Variants in DPP10 observed in about 807,000 individuals in gnomAD.
DPP10 encodes the protein dipeptidyl peptidase like 10.
DPP10 carries 33 observed loss-of-function variants against 120.9 expected under a neutral mutation model. That is an observed-to-expected ratio of 0.27 (90% CI 0.21 to 0.37). The LOEUF is 0.37. Among genes scored for constraint, DPP10 ranks in the 10% least tolerant of loss-of-function variants. The pLI is 1.00. For synonymous variants in DPP10, 337 were observed against 326.1 expected (o/e 1.03, Z -0.36); for missense variants, 816 against 942.8 (o/e 0.87, Z 1.76).
At chr2:115,458,178 A>G (rs536482700) in intron 3 of DPP10, among the ~76,000 whole-genome samples, 1 of 152,234 alleles carries the variant, frequency 6.6e-6, no homozygotes, top group Admixed American at 6.5e-5. Context: ...AGATATGAAC[A>G]TTACACCCCC....
chr2:115,587,247 G>C (rs974223477), intron 5 of DPP10, among the ~76,000 whole-genome samples: 1 of 151,748 alleles, frequency 6.6e-6, no homozygotes, highest in Non-Finnish European at 1.5e-5. Context: ...ACAGGCTCCC[G>C]CGACCACGCC....
chr2:114,964,073 A>G (rs1290516734), intron 1 of DPP10, among the ~76,000 whole-genome samples: 1 of 152,182 alleles, frequency 6.6e-6, no homozygotes, highest in Non-Finnish European at 1.5e-5. Flanking sequence ...CTCGATTTCC[A>G]TTGCCTTCAA....
intron 1 of DPP10, among the ~76,000 whole-genome samples, chr2:115,224,867 T>C (rs2105443579): frequency 6.6e-6 from 1 of 152,306 alleles, no homozygotes; most frequent in East Asian, 1.9e-4. Context: ...TTAAGAATGA[T>C]CACACTAAGA....
chr2:115,035,652 C>T (rs1704178264), intron 1 of DPP10, among the ~76,000 whole-genome samples: 1 of 152,200 alleles, frequency 6.6e-6, no homozygotes, highest in Non-Finnish European at 1.5e-5. Context: ...TCATTCCTCA[C>T]ATCCTTTACA....
chr2:114,992,120 CT>C (rs1440282183), intron 1 of DPP10, among the ~76,000 whole-genome samples: 1 of 152,190 alleles, frequency 6.6e-6, no homozygotes, highest in Non-Finnish European at 1.5e-5. Context: ...CATGCATATG[CT>C]TGCAAATAAT....
chr2:115,757,337 A>T, intron 11 of DPP10, among the ~76,000 whole-genome samples: 1 of 152,006 alleles, frequency 6.6e-6, no homozygotes, highest in Non-Finnish European at 1.5e-5. Flanking sequence ...TCCAAAAAAA[A>T]ATAATAATAA....
At position 115,754,546 on chromosome 2, in the gene DPP10, A is replaced by G. The variant is rs529048368; in HGVS notation, c.1074+1249A>G. ...GTAGGGCTAGTCTAGACACCTTCTA[A>G]TCACCTTTCAATTACACTGTAAGGT... is the stretch of plus-strand genomic sequence containing the variant. On this transcript the variant is annotated intron_variant, in intron 11 of 25. Transcript: ENST00000410059. Among the ~76,000 whole-genome samples, 21 of 152,232 alleles carry G rather than the reference A, an allele frequency of 1.4e-4. No individual in the cohort carries two copies. In the South Asian group the frequency reaches 4.1e-3, roughly 30 times the overall value.
chr2:115,409,278 A>G (rs1468597416), intron 3 of DPP10, among the ~76,000 whole-genome samples: 6 of 152,216 alleles, frequency 3.9e-5, no homozygotes, highest in African/African-American at 1.2e-4. Context: ...CAACAAAAAC[A>G]GAAAATAGTG....
At chr2:114,761,397 G>A (rs1680269274) in intron 1 of DPP10, among the ~76,000 whole-genome samples, 1 of 152,124 alleles carries the variant, frequency 6.6e-6, no homozygotes, top group Non-Finnish European at 1.5e-5. Flanking sequence ...GTATAAGGAG[G>A]CATTCCAGAA....
intron 3 of DPP10, among the ~76,000 whole-genome samples, chr2:115,382,054 G>T (rs1368364331): frequency 2.6e-5 from 4 of 152,206 alleles, no homozygotes; most frequent in African/African-American, 7.2e-5. Flanking sequence ...AGGCAGGCAG[G>T]CCTCCTTGAG....
rs764400761 is a variant in DPP10 at position 114,956,986 on chromosome 2, C to CAAAAA, written c.61-352242_61-352238dup. ...TAAGACCTAAAACTCTAAAACTATTCAAAAAAAAAAAAAAAGAGAAAACTG... is the reference window on the plus strand; with the variant it reads ...TAAGACCTAAAACTCTAAAACTATTCAAAAAAAAAAAAAAAAAAAAGAGAAAACTG... On this transcript the variant is annotated intron_variant, in intron 1 of 25. Coordinates refer to ENST00000410059, the MANE Select transcript of DPP10 (RefSeq NM_020868.6). 9.3e-5 allele frequency among the ~76,000 whole-genome samples: 10 copies of CAAAAA among 106,968 alleles called. No homozygotes were observed. The East Asian group carries it at 2.3e-3, about 24-fold the overall frequency. 70.2% of individuals were successfully genotyped at this position (106,968 alleles called of 152,430 possible). A position where few individuals can be genotyped will look rare whatever the true frequency, so the allele number is the denominator to read the frequency against.
chr2:115,692,797 G>C (rs1169091835), intron 7 of DPP10, among the ~76,000 whole-genome samples: 1 of 152,030 alleles, frequency 6.6e-6, no homozygotes, highest in Non-Finnish European at 1.5e-5. Context: ...TTCATAATAA[G>C]ATGCACATTA....
At chr2:115,371,266 A>G (rs2065389708) in intron 3 of DPP10, among the ~76,000 whole-genome samples, 2 of 152,144 alleles carry the variant, frequency 1.3e-5, no homozygotes, top group African/African-American at 4.8e-5. Flanking sequence ...TGAACTGCTT[A>G]TGCTTCTCAA....
chr2:115,206,165 A>T (rs935974405), intron 1 of DPP10, among the ~76,000 whole-genome samples: 1 of 152,182 alleles, frequency 6.6e-6, no homozygotes, highest in Non-Finnish European at 1.5e-5. Context: ...ATGAACATAC[A>T]CCTATTTCCT....
intron 1 of DPP10, among the ~76,000 whole-genome samples, chr2:114,807,747 C>T (rs1684854813): frequency 6.6e-6 from 1 of 152,142 alleles, no homozygotes; most frequent in Non-Finnish European, 1.5e-5. Context: ...TCCTAACTGG[C>T]ACAGAAAGAA....
chr2:114,768,610 C>G (rs1448016648), intron 1 of DPP10, among the ~76,000 whole-genome samples: 1 of 152,106 alleles, frequency 6.6e-6, no homozygotes, highest in Admixed American at 6.6e-5. Context: ...TCTCAAGGGT[C>G]GTACCCTTAA....
chr2:114,735,449 A>G (rs1275105825), intron 1 of DPP10, among the ~76,000 whole-genome samples: 2 of 152,162 alleles, frequency 1.3e-5, no homozygotes, highest in Non-Finnish European at 2.9e-5. Context: ...AAATGTAAAA[A>G]TCTTTCAGAT....
chr2:114,848,257 G>A (rs1345828749), intron 1 of DPP10, among the ~76,000 whole-genome samples: 3 of 152,148 alleles, frequency 2.0e-5, no homozygotes, highest in Non-Finnish European at 4.4e-5. Context: ...GTCTGCCGTT[G>A]TGCATGGAAG....
intron 19 of DPP10, among the ~76,000 whole-genome samples, chr2:115,799,047 C>A (rs542030826): frequency 1.4e-3 from 220 of 152,120 alleles, no homozygotes; most frequent in African/African-American, 5.2e-3. Context: ...CCACAACTCA[C>A]CCTAAAAAAG....
Sources: gnomAD v4.1 joint callset for allele counts (sites outside exome capture counted in the v4.1 genomes callset) on GRCh38, gnomAD v4.1.1 for gene constraint, MANE v1.5 for transcripts, NCBI Gene and HGNC (gene_info 2026-07-23, HGNC 2026-07-21) for gene names.